Variants in CCDC171 observed in about 807,000 individuals in gnomAD.
CCDC171 encodes the protein coiled-coil domain containing 171.
In CCDC171, 177 loss-of-function variants were observed where a neutral mutation model predicts 168.2. The ratio of observed to expected loss-of-function variants is 1.05; its 90% confidence interval spans 0.93 to 1.19. The LOEUF is 1.19. Among genes scored for constraint, CCDC171 ranks in the 50% most tolerant of loss-of-function variants. The pLI, the probability that CCDC171 is intolerant of heterozygous loss-of-function variation, is 0.00. For synonymous variants in CCDC171, 687 were observed against 540.8 expected (o/e 1.27, Z -3.75); for missense variants, 1,991 against 1,539.0 (o/e 1.29, Z -4.91).
At chr9:15,801,336 G>C (rs2058811239) in intron 21 of CCDC171, among the ~76,000 whole-genome samples, 1 of 151,752 alleles carries the variant, frequency 6.6e-6, no homozygotes, top group Non-Finnish European at 1.5e-5. Flanking sequence ...AACTTATTTG[G>C]TTAAGTTAAT....
At chr9:16,017,113 C>A (rs1407408678) in intron 3 of CCDC171, among the ~76,000 whole-genome samples, 1 of 151,938 alleles carries the variant, frequency 6.6e-6, no homozygotes, top group African/African-American at 2.4e-5. Context: ...AGATTATGTT[C>A]TTTTTTAAAG....
chr9:16,067,737 C>T, the CCDC171 span, among the ~76,000 whole-genome samples: 44 of 152,200 alleles, frequency 2.9e-4, 1 homozygote, highest in Non-Finnish European at 4.6e-4. Context: ...CCCCATTGCT[C>T]GTTTTTCTCA....
intron 20 of CCDC171, among the ~76,000 whole-genome samples, chr9:15,780,010 A>G (rs1406701819): frequency 6.6e-6 from 1 of 152,266 alleles, no homozygotes; most frequent in Non-Finnish European, 1.5e-5. Flanking sequence ...CTATAACTTC[A>G]GTTTAAATGT....
intron 25 of CCDC171, among the ~76,000 whole-genome samples, chr9:15,931,504 T>C (rs1324002916): frequency 1.4e-5 from 2 of 145,702 alleles, no homozygotes; most frequent in East Asian, 4.2e-4. Context: ...GAGTTCCTTA[T>C]ATATTCTGGA....
At chr9:15,568,708 C>T (rs921199611) in intron 2 of CCDC171, among the ~76,000 whole-genome samples, 1 of 152,032 alleles carries the variant, frequency 6.6e-6, no homozygotes, top group African/African-American at 2.4e-5. Flanking sequence ...TATGTCTTCT[C>T]TTGAAAATTG....
At position 15,562,322 on chromosome 9, in the gene CCDC171, G is replaced by C. The variant is rs542272596; in HGVS notation, c.-111-1656G>C. Among the ~76,000 whole-genome samples, 11 of 152,136 alleles carry C rather than the reference G, an allele frequency of 7.2e-5. No individual in the cohort carries two copies. In the South Asian group the frequency reaches 2.3e-3, roughly 32 times the overall value. On this transcript the variant is annotated intron_variant, in intron 1 of 25. Transcript: ENST00000380701. ...CACTTTGCTTCTTTAAGGTCAGCAG[G>C]AGATTGTCATTCAGTCTGCTAAGAT... is the stretch of plus-strand genomic sequence containing the variant.
chr9:15,743,793 A>G (rs2055064430), intron 16 of CCDC171, among the ~76,000 whole-genome samples: 1 of 152,230 alleles, frequency 6.6e-6, no homozygotes, highest in African/African-American at 2.4e-5. Context: ...ATGGTAGACC[A>G]TGCTATTTGT....
In CCDC171 at chr9:15,793,551, G is replaced by GTTTTTTTTTTTTTTTTTTT. The variant is rs3082839; in HGVS notation, c.3267+8868_3267+8886dup. On this transcript the variant is annotated intron_variant, in intron 21 of 25. Transcript: ENST00000380701. ...AGCACCACATCGCACTTATTCCAAG[G>GTTTTTTTTTTTTTTTTTTT]TTTTTTTTTTTTTTTTTTTTTTTTT... is the stretch of plus-strand genomic sequence containing the variant. Among the ~76,000 whole-genome samples the GTTTTTTTTTTTTTTTTTTT allele has an allele frequency of 3.9e-5, 3 of 77,060 alleles. 1 individual carries two copies. Among genetic ancestry groups the GTTTTTTTTTTTTTTTTTTT allele is most frequent in the African/African-American group, 1.9e-4 (3 of 15,542 alleles). The allele number at this position is 77,060 out of a possible 152,430, so 50.6% of individuals were successfully genotyped here.
intron 24 of CCDC171, among the ~76,000 whole-genome samples, chr9:15,893,088 A>G (rs909934746): frequency 6.6e-6 from 1 of 152,196 alleles, no homozygotes; most frequent in African/African-American, 2.4e-5. Flanking sequence ...AAGCACAGAT[A>G]CATAGACTAA....
chr9:15,914,303 C>T (rs1035728109), intron 24 of CCDC171, among the ~76,000 whole-genome samples: 2 of 152,150 alleles, frequency 1.3e-5, no homozygotes, highest in Non-Finnish European at 2.9e-5. Flanking sequence ...ATCTATAAGC[C>T]CCTCACTGGG....
At chr9:15,869,534 GT>G (rs1054946707) in intron 23 of CCDC171, among the ~76,000 whole-genome samples, 1 of 140,518 alleles carries the variant, frequency 7.1e-6, no homozygotes, top group Non-Finnish European at 1.6e-5. Context: ...GTTTGTTTTT[GT>G]TTTTTTTGCT....
At chr9:15,714,598 C>T (rs1260969735) in intron 11 of CCDC171, among the ~76,000 whole-genome samples, 8 of 152,218 alleles carry the variant, frequency 5.3e-5, no homozygotes, top group East Asian at 1.9e-4. Flanking sequence ...TTCCTCCCCC[C>T]GGTACAGTTA....
chr9:15,827,572 A>G (rs1369376248), intron 21 of CCDC171, among the ~76,000 whole-genome samples: 5 of 152,148 alleles, frequency 3.3e-5, no homozygotes, highest in Non-Finnish European at 7.4e-5. Flanking sequence ...CTTCTATTTT[A>G]TTCAAGTTTG....
chr9:16,040,163 G>A (rs889223292), upstream of CCDC171, among the ~76,000 whole-genome samples: 4 of 152,114 alleles, frequency 2.6e-5, no homozygotes, highest in Non-Finnish European at 5.9e-5. Flanking sequence ...TAGCACAGAG[G>A]CCCCTAGCCA....
the CCDC171 span, among the ~76,000 whole-genome samples, chr9:16,107,562 C>T: frequency 6.6e-6 from 1 of 151,952 alleles, no homozygotes; most frequent in Non-Finnish European, 1.5e-5. Context: ...CACACACACA[C>T]ATATACATAT....
chr9:16,103,254 A>C, the CCDC171 span, among the ~76,000 whole-genome samples: 1 of 152,180 alleles, frequency 6.6e-6, no homozygotes, highest in Admixed American at 6.5e-5. Context: ...TGAGAAGGGC[A>C]CTCACAGTCA....
At chr9:15,569,565 C>T (rs2040033540) in intron 2 of CCDC171, among the ~76,000 whole-genome samples, 2 of 152,144 alleles carry the variant, frequency 1.3e-5, no homozygotes, top group South Asian at 4.1e-4. Flanking sequence ...CCTGTAATCC[C>T]AGCACTTTGG....
At chr9:16,067,529 T>C in the CCDC171 span, among the ~76,000 whole-genome samples, 1 of 152,204 alleles carries the variant, frequency 6.6e-6, no homozygotes, top group African/African-American at 2.4e-5. Flanking sequence ...AGACATGAAG[T>C]CCTTGCCCAT....
chr9:15,840,830 T>C (rs1340395509), intron 21 of CCDC171, among the ~76,000 whole-genome samples: 1 of 152,140 alleles, frequency 6.6e-6, no homozygotes, highest in Non-Finnish European at 1.5e-5. Context: ...TTTACTTCAC[T>C]GTTATACATT....
Sources: allele counts gnomAD v4.1 joint callset (sites outside exome capture counted in the v4.1 genomes callset), GRCh38; gene constraint gnomAD v4.1.1; transcripts MANE v1.5; gene names NCBI Gene and HGNC (gene_info 2026-07-23, HGNC 2026-07-21).